Variants in TAF2 observed in about 807,000 individuals in gnomAD.
TAF2 encodes the protein transcription initiation factor TFIID subunit 2.
In TAF2, 61 loss-of-function variants were observed where a neutral mutation model predicts 138.5. The ratio of observed to expected loss-of-function variants is 0.44; its 90% CI spans 0.36 to 0.54. TAF2 has a LOEUF of 0.54. Among genes scored for constraint, TAF2 ranks in the 20% least tolerant of loss-of-function variants. The pLI is 0.00. For synonymous variants in TAF2, 475 were observed against 469.9 expected (o/e 1.01, Z -0.14); for missense variants, 1,090 against 1,427.9 (o/e 0.76, Z 3.81).
At chr8:119,752,007 A>G (rs1013537835) in intron 22 of TAF2, among the ~76,000 whole-genome samples, 1 of 152,094 alleles carries the variant, frequency 6.6e-6, no homozygotes, top group East Asian at 1.9e-4. Flanking sequence ...AGTATATACT[A>G]AAGTATTTGG....
At chr8:119,819,252 C>CAA in intron 3 of TAF2, 94 bp downstream of exon 3, 15 of 1,167,108 alleles carry the variant, frequency 1.3e-5, no homozygotes, top group Non-Finnish European at 1.7e-5. Context: ...ATTAACGATC[C>CAA]AAAAAAAAAA....
intron 18 of TAF2, among the ~76,000 whole-genome samples, chr8:119,772,185 G>A (rs1196324952): frequency 6.6e-6 from 1 of 152,182 alleles, no homozygotes; most frequent in Non-Finnish European, 1.5e-5. Context: ...GCAATGCTAA[G>A]AGTAAAGTTT....
intron 18 of TAF2, among the ~76,000 whole-genome samples, chr8:119,774,225 G>A (rs1401000255): frequency 6.6e-6 from 1 of 151,920 alleles, no homozygotes; most frequent in East Asian, 1.9e-4. Context: ...TTAAGCACCT[G>A]GAAAGATCAT....
intron 6 of TAF2, among the ~76,000 whole-genome samples, chr8:119,799,410 G>A (rs1414613247): frequency 6.6e-6 from 1 of 151,564 alleles, no homozygotes; most frequent in Non-Finnish European, 1.5e-5. Context: ...TGTGGTGTTT[G>A]GTTTTTTGTC....
chr8:119,736,986 T>A (rs1819264058), intron 25 of TAF2, among the ~76,000 whole-genome samples: 1 of 152,016 alleles, frequency 6.6e-6, no homozygotes, highest in Non-Finnish European at 1.5e-5. Context: ...GAGGTATGAG[T>A]TGGAAACACT....
chr8:119,832,609 AC>A lies in TAF2; in HGVS notation c.-46del. On this transcript the variant is annotated 5_prime_UTR_variant, in exon 1 of 26. An upstream open reading frame in the 5' UTR gains an earlier in-frame stop. Coordinates refer to ENST00000378164, the MANE Select transcript of TAF2 (RefSeq NM_003184.4). ...TGGCTTCCCGGCTTCCTAGGGGGATACGGGGCATTACTAGTCTTTGGCACCT... is the reference window on the plus strand; with the variant it reads ...TGGCTTCCCGGCTTCCTAGGGGGATAGGGGCATTACTAGTCTTTGGCACCT... 1.3e-6 allele frequency: 2 copies of A among 1,561,518 alleles called. No individual in the cohort carries two copies. The highest frequency in any genetic ancestry group is 2.2e-5 in the South Asian group (2 of 90,004).
Position 119,731,883 on chromosome 8 carries a change from A to C in TAF2, c.*41T>G, listed in dbSNP as rs1185505779. On this transcript the variant is annotated 3_prime_UTR_variant, in exon 26 of 26. Transcript: ENST00000378164. ...AGAGGACAAAGCTTTAGTTACATACATTCTTCTGGACATGAAAGGAAAGGT... is the reference window on the plus strand; with the variant it reads ...AGAGGACAAAGCTTTAGTTACATACCTTCTTCTGGACATGAAAGGAAAGGT... 6 of 1,588,490 alleles carry C rather than the reference A, an allele frequency of 3.8e-6. No individual in the cohort carries two copies. The highest frequency in any genetic ancestry group is 5.2e-6 in the Non-Finnish European group (6 of 1,157,202).
intron 20 of TAF2, among the ~76,000 whole-genome samples, chr8:119,759,923 C>A (rs930872564): frequency 1.6e-4 from 24 of 152,054 alleles, no homozygotes; most frequent in African/African-American, 5.3e-4. Flanking sequence ...TATTCTTTTG[C>A]CTTGCACCAT....
chr8:119,746,963 C>T, intron 22 of TAF2, 29 bp from the exon 23 acceptor site: 5 of 1,600,280 alleles, frequency 3.1e-6, no homozygotes, highest in Non-Finnish European at 4.3e-6. Flanking sequence ...AGAAATGAGT[C>T]AATATGCACA....
In TAF2 at chr8:119,731,501, G is replaced by A; in HGVS notation, c.*423C>T. On this transcript the variant is annotated 3_prime_UTR_variant, in exon 26 of 26. Transcript: ENST00000378164. ...AATGGTGTTATACAATATTTCACTG[G>A]AGATAGTGGTTGCACCACAGATTTG... 4.6e-6 allele frequency: 1 copy of A among 218,528 alleles called. No homozygotes were observed. The highest frequency in any genetic ancestry group is 7.5e-5 in the South Asian group (1 of 13,406). 13.5% of individuals were successfully genotyped at this position (218,528 alleles called of 1,614,324 possible).
intron 9 of TAF2, 138 bp from the exon 10 acceptor site, chr8:119,793,589 T>C: frequency 5.8e-6 from 4 of 685,674 alleles, no homozygotes; most frequent in Admixed American, 5.3e-5. Context: ...GAAATGTATT[T>C]AAAGAGTAGT....
chr8:119,832,677 A>G lies in TAF2; in HGVS notation c.-113T>C. 1 of 1,026,232 alleles carries G rather than the reference A, an allele frequency of 9.7e-7. No individual in the cohort carries two copies. The highest frequency in any genetic ancestry group is 1.4e-6 in the Non-Finnish European group (1 of 711,598). 63.6% of individuals were successfully genotyped at this position (1,026,232 alleles called of 1,614,324 possible). On this transcript the variant is annotated 5_prime_UTR_variant, in exon 1 of 26. Transcript: ENST00000378164. ...CTGCGGTCCCCAAGTCACGTCTCGC[A>G]GCTGGCCGGTGCCCAGGTGAGCGAC...
At chr8:119,774,706 AT>A (rs1489860368) in intron 18 of TAF2, among the ~76,000 whole-genome samples, 3 of 152,254 alleles carry the variant, frequency 2.0e-5, no homozygotes. Context: ...AGCAGCAGAG[AT>A]AATAACTTCC....
chr8:119,732,406 T>C (rs1357673690), intron 25 of TAF2, among the ~76,000 whole-genome samples: 5 of 152,202 alleles, frequency 3.3e-5, no homozygotes, highest in South Asian at 4.1e-4. Flanking sequence ...TTATAGTCTA[T>C]ACAAATTTGG....
Position 119,806,308 on chromosome 8 carries a change from T to C in TAF2, c.393A>G (p.Pro131=), listed in dbSNP as rs1025627626. ...AGNGELCIKV[P]SELWKHVDEL... ...CATCAACGTGTTTCCATAGCTCTGA[T>C]GGAACCTTAATGCAAAGTTCTCCAT... The change falls in exon 4 of 26, where the codon CCA becomes CCG. Residue 131 remains proline, a synonymous_variant. Transcript: ENST00000378164. The C allele has an allele frequency of 6.2e-7, 1 of 1,614,056 alleles. No homozygotes were observed. The highest frequency in any genetic ancestry group is 8.5e-7 in the Non-Finnish European group (1 of 1,179,956).
At chr8:119,818,272 C>A (rs1254756124) in intron 3 of TAF2, among the ~76,000 whole-genome samples, 1 of 152,184 alleles carries the variant, frequency 6.6e-6, no homozygotes, top group Non-Finnish European at 1.5e-5. Context: ...GAGAACTGGC[C>A]TGTAGAACAA....
rs936429869 is a variant in TAF2, at chr8:119,829,984, C to T, written c.138+1693G>A. On this transcript the variant is annotated intron_variant, in intron 2 of 25. Coordinates refer to ENST00000378164, the MANE Select transcript of TAF2 (RefSeq NM_003184.4). Reference sequence around the variant, plus strand: ...GCGCGATCTCGGCTCCCTGCAAGTTCGCCTCCCAGGTTCATGCCATTCTCC... The same window carrying T: ...GCGCGATCTCGGCTCCCTGCAAGTTTGCCTCCCAGGTTCATGCCATTCTCC... Among the ~76,000 whole-genome samples the T allele has an allele frequency of 3.3e-5, 5 of 150,920 alleles. No homozygotes were observed. In the East Asian group the frequency reaches 9.8e-4, roughly 30 times the overall value.
Position 119,814,484 on chromosome 8 carries a change from G to A in TAF2, c.299+4862C>T, listed in dbSNP as rs560397205. On this transcript the variant is annotated intron_variant, in intron 3 of 25. Coordinates refer to ENST00000378164, the MANE Select transcript of TAF2 (RefSeq NM_003184.4). ...GCAATTTAAAAAAATCATTATAACT[G>A]GATAACTACTTCATTTATATACTAA... Among the ~76,000 whole-genome samples, 84 of 151,654 alleles carry A rather than the reference G, an allele frequency of 5.5e-4. 3 individuals are homozygous for A. The highest frequency in any genetic ancestry group is 1.7e-3 in the East Asian group (9 of 5,168).
chr8:119,807,259 T>C (rs916563720), intron 3 of TAF2, among the ~76,000 whole-genome samples: 2 of 152,210 alleles, frequency 1.3e-5, no homozygotes, highest in African/African-American at 4.8e-5. Flanking sequence ...GAGAGACTAC[T>C]ACATAAATAT....
Sources: gnomAD v4.1 joint callset for allele counts (sites outside exome capture counted in the v4.1 genomes callset) on GRCh38, gnomAD v4.1.1 for gene constraint, MANE v1.5 for transcripts, NCBI Gene and HGNC (gene_info 2026-07-23, HGNC 2026-07-21) for gene names.